Variants in NEUROD1 observed in about 807,000 individuals in gnomAD.
NEUROD1 encodes the protein neuronal differentiation 1.
A neutral mutation model predicts 21.8 loss-of-function variants in NEUROD1; 9 were observed. That is an observed-to-expected ratio of 0.41 (90% CI 0.25 to 0.72). The LOEUF (loss-of-function observed/expected upper bound fraction) is 0.72. NEUROD1 is among the 30% of genes least tolerant of loss of function. NEUROD1 has a pLI of 0.31. For missense variants in NEUROD1, 434 were observed against 468.8 expected, an observed-to-expected ratio of 0.93 and a Z score of 0.69; for synonymous variants, 199 against 186.2, an observed-to-expected ratio of 1.07 and a Z score of -0.56.
downstream of NEUROD1, among the ~76,000 whole-genome samples, chr2:181,675,125 A>G (rs1688549889): frequency 6.6e-6 from 1 of 152,364 alleles, no homozygotes; most frequent in East Asian, 1.9e-4. Flanking sequence ...TCCAGGATAT[A>G]GAAAGCAACA....
At position 181,676,592 on chromosome 2, in the gene NEUROD1, TCAAA is replaced by T. The variant is rs1244929000; in HGVS notation, c.*1194_*1197del. ...ATTCCAGTGGTACCAGCATCACATC[TCAAA>T]CAGCACTTATTCTGGACTGCATTTT... On this transcript the variant is annotated 3_prime_UTR_variant, in exon 2 of 2. Coordinates refer to ENST00000295108, the MANE Select transcript of NEUROD1 (RefSeq NM_002500.5). The T allele has an allele frequency of 6.6e-6, 1 of 152,610 alleles. No homozygotes were observed. The highest frequency in any genetic ancestry group is 6.5e-5 in the Admixed American group (1 of 15,282). 9.5% of individuals were successfully genotyped at this position (152,610 alleles called of 1,614,324 possible). A position where few individuals can be genotyped will look rare whatever the true frequency, so the allele number is the denominator to read the frequency against.
downstream of NEUROD1, chr2:181,673,419 T>C (rs1187276060): frequency 6.6e-6 from 1 of 152,270 alleles, no homozygotes; most frequent in East Asian, 1.9e-4. Context: ...CAGGAGCCAA[T>C]GATTATGCCA....
chr2:181,675,801 C>T (rs137980047), downstream of NEUROD1, among the ~76,000 whole-genome samples: 39 of 152,140 alleles, frequency 2.6e-4, no homozygotes, highest in Admixed American at 2.6e-3. Context: ...ATAGTGTGTT[C>T]TTCAGTACAA....
chr2:181,676,027 A>G (rs927936366), downstream of NEUROD1, among the ~76,000 whole-genome samples: 4 of 152,248 alleles, frequency 2.6e-5, no homozygotes, highest in African/African-American at 9.6e-5. Flanking sequence ...GAAGACCAAG[A>G]AAATAGTAAT....
downstream of NEUROD1, chr2:181,673,301 T>C (rs1163533835): frequency 6.6e-6 from 1 of 152,238 alleles, no homozygotes; most frequent in African/African-American, 2.4e-5. Flanking sequence ...AGCACAGAAT[T>C]CTTCCTGTCA....
chr2:181,669,584 G>A (rs529577363), downstream of NEUROD1, among the ~76,000 whole-genome samples: 2 of 152,174 alleles, frequency 1.3e-5, no homozygotes, highest in African/African-American at 2.4e-5. Flanking sequence ...TAATAAGTTA[G>A]CATTTTTATC....
Position 181,678,699 on chromosome 2 carries a change from C to T in NEUROD1, c.162G>A (p.Arg54=). 1.9e-6 allele frequency: 3 copies of T among 1,611,968 alleles called. No homozygotes were observed. In the African/African-American group the frequency reaches 4.0e-5, roughly 21 times the overall value. Reference sequence around the variant, plus strand: ...CTTCGTCCTCCTCCTCTCCCCCGTTCCTCAGTGAGTCCTCCTCTGCGTTCA... The same window carrying T: ...CTTCGTCCTCCTCCTCTCCCCCGTTTCTCAGTGAGTCCTCCTCTGCGTTCA... The part of the protein sequence containing the change: ...ETMNAEEDSL[R]NGGEEEDEDE... The change falls in exon 2 of 2, where the codon AGG becomes AGA. Residue 54 remains arginine (R), a synonymous_variant. Coordinates refer to ENST00000295108, the MANE Select transcript of NEUROD1 (RefSeq NM_002500.5). This position sits in a 1 kb window ranked among gnomAD's most constrained non-coding sequence, Gnocchi z 5.5.
At chr2:181,671,558 G>T (rs904419394), downstream of NEUROD1, among the ~76,000 whole-genome samples, 7 of 151,868 alleles carry the variant, frequency 4.6e-5, no homozygotes, top group Admixed American at 2.0e-4. Flanking sequence ...AGCCTCCCGA[G>T]TAGCTGGGAC....
downstream of NEUROD1, chr2:181,673,101 T>G (rs557622572): frequency 6.6e-6 from 1 of 152,316 alleles, no homozygotes; most frequent in Non-Finnish European, 1.5e-5. Flanking sequence ...AATCCACATT[T>G]AATGTATCTG....
At position 181,678,824 on chromosome 2, in the gene NEUROD1, C is replaced by A; in HGVS notation, c.37G>T (p.Glu13Ter). The change falls in exon 2 of 2, where the codon GAG becomes TAG. Residue 13 changes from glutamate (E) to a stop codon, truncating the protein, a stop_gained. Transcript: ENST00000295108. LOFTEE classifies it high-confidence loss of function. The surrounding 1 kb of genome is among the most constrained non-coding windows in gnomAD (Gnocchi z 5.5). Reference protein sequence around the residue: ...KSYSESGLMGEPQPQGPPSWT... With the variant: ...KSYSESGLMG ...CTTGGAGGACCTTGGGGCTGAGGCT[C>A]GCCCATCAGCCCACTCTCGCTGTAC... 1 of 1,614,040 alleles carries A rather than the reference C, an allele frequency of 6.2e-7. No individual in the cohort carries two copies. The highest frequency in any genetic ancestry group is 8.5e-7 in the Non-Finnish European group (1 of 1,180,026).
chr2:181,678,226 G>A lies in NEUROD1; in HGVS notation c.635C>T (p.Ala212Val). 1 of 1,614,174 alleles carries A rather than the reference G, an allele frequency of 6.2e-7. No individual in the cohort carries two copies. Among genetic ancestry groups the A allele is most frequent in the Non-Finnish European group, 8.5e-7 (1 of 1,180,026 alleles). The change falls in exon 2 of 2, where the codon GCT becomes GTT. Residue 212 changes from alanine to valine, a missense_variant. Ala to Val is a moderately conservative substitution (Grantham distance 64). Coordinates refer to ENST00000295108, the MANE Select transcript of NEUROD1 (RefSeq NM_002500.5). The surrounding 1 kb of genome is among the most constrained non-coding windows in gnomAD (Gnocchi z 5.5). ...GGAGTAGGGGTGTACAGGGAAGGAA[G>A]CGCTGGCCGTCGGCAGGTGGGGGGG... is the stretch of plus-strand genomic sequence containing the variant. ...DMPPHLPTAS[A>V]SFPVHPYSYQ... is the part of the protein sequence containing the mutation.
rs764112638 is a variant in NEUROD1 at position 181,677,868 on chromosome 2, G to T, written c.993C>A (p.Asp331Glu). ...TAAPRCEIPIDNIMSFDSHSH... is the reference protein window; with the variant it reads ...TAAPRCEIPIENIMSFDSHSH... ...AATGGCTATCGAAGGACATAATATT[G>T]TCTATGGGGATCTCGCAGCGAGGGG... is the stretch of plus-strand genomic sequence containing the variant. Residue 331 changes from aspartate to glutamate, a missense_variant, in exon 2 of 2, where the codon GAC (aspartate) becomes GAA (glutamate). Transcript: ENST00000295108. 11 of 1,614,172 alleles carry T rather than the reference G, an allele frequency of 6.8e-6. No individual in the cohort carries two copies. The East Asian group carries it at 2.2e-4, about 33-fold the overall frequency.
Position 181,677,945 on chromosome 2 carries a change from C to T in NEUROD1, c.916G>A (p.Ala306Thr). 1 of 1,614,204 alleles carries T rather than the reference C, an allele frequency of 6.2e-7. No homozygotes were observed. The highest frequency in any genetic ancestry group is 1.1e-5 in the South Asian group (1 of 91,078). ...TGGCTTTGGGCCCCTGCCAGTGTCG[C>T]TGCAGGATAGTGCATGGTAAAGGCA... The part of the protein sequence containing the change: ...NYAFTMHYPA[A>T]TLAGAQSHGS... Residue 306 changes from alanine to threonine, a missense_variant, in exon 2 of 2, where the codon GCG (alanine) becomes ACG (threonine). Coordinates refer to ENST00000295108, the MANE Select transcript of NEUROD1 (RefSeq NM_002500.5).
downstream of NEUROD1, among the ~76,000 whole-genome samples, chr2:181,674,873 C>G (rs1405858423): frequency 6.6e-6 from 1 of 151,724 alleles, no homozygotes; most frequent in Non-Finnish European, 1.5e-5. Flanking sequence ...TCTAGATTTC[C>G]CTGTTTGCTA....
chr2:181,671,937 C>T (rs181237705), downstream of NEUROD1, among the ~76,000 whole-genome samples: 1 of 152,184 alleles, frequency 6.6e-6, no homozygotes, highest in Admixed American at 6.5e-5. Context: ...CACCATTGAG[C>T]GCGAACACTA....
downstream of NEUROD1, among the ~76,000 whole-genome samples, chr2:181,671,619 C>G (rs1179877211): frequency 6.6e-6 from 1 of 151,948 alleles, no homozygotes; most frequent in Non-Finnish European, 1.5e-5. Context: ...TTTGTAGACA[C>G]GAGGTTTCAC....
In NEUROD1 at chr2:181,678,441, G is replaced by T; in HGVS notation, c.420C>A (p.Ile140=). ...AGTTCTTGGCCAAGCGCAGAGTCTC[G>T]ATTTTGGACAGCTTCTGCGTCTTAG... The part of the protein sequence containing the change: ...CYSKTQKLSK[I]ETLRLAKNYI... Residue 140 remains isoleucine, a synonymous_variant, in exon 2 of 2, where the codon ATC becomes ATA. Coordinates refer to ENST00000295108, the MANE Select transcript of NEUROD1 (RefSeq NM_002500.5). This position sits in a 1 kb window ranked among gnomAD's most constrained non-coding sequence, Gnocchi z 5.5. The T allele has an allele frequency of 6.2e-7, 1 of 1,614,234 alleles. No homozygotes were observed. Among genetic ancestry groups the T allele is most frequent in the South Asian group, 1.1e-5 (1 of 91,084 alleles).
chr2:181,671,985 C>T (rs1313781195), downstream of NEUROD1, among the ~76,000 whole-genome samples: 1 of 152,064 alleles, frequency 6.6e-6, no homozygotes, highest in East Asian at 1.9e-4. Flanking sequence ...ATACACTGAA[C>T]CCTTCAAAAT....
At position 181,678,228 on chromosome 2, in the gene NEUROD1, G is replaced by T. The variant is rs771045546; in HGVS notation, c.633C>A (p.Ser211Arg). ...QDMPPHLPTASASFPVHPYSY... is the reference protein window; with the variant it reads ...QDMPPHLPTARASFPVHPYSY... ...AGTAGGGGTGTACAGGGAAGGAAGC[G>T]CTGGCCGTCGGCAGGTGGGGGGGCA... is the stretch of plus-strand genomic sequence containing the variant. The change falls in exon 2 of 2, where the codon AGC becomes AGA. Residue 211 changes from serine (S) to arginine (R), a missense_variant. Transcript: ENST00000295108. The surrounding 1 kb of genome is among the most constrained non-coding windows in gnomAD (Gnocchi z 5.5). 33 of 1,614,180 alleles carry T rather than the reference G, an allele frequency of 2.0e-5. 1 individual carries two copies. In the South Asian group the frequency reaches 3.4e-4, roughly 17 times the overall value.
Sources: allele counts gnomAD v4.1 joint callset (sites outside exome capture counted in the v4.1 genomes callset), GRCh38; gene constraint gnomAD v4.1.1; non-coding constraint Gnocchi (gnomAD v3.1); transcripts MANE v1.5; gene names NCBI Gene and HGNC (gene_info 2026-07-23, HGNC 2026-07-21).